Variants in SPAG16 observed in about 807,000 individuals in gnomAD.
SPAG16 encodes sperm associated antigen 16.
A neutral mutation model predicts 80.4 loss-of-function variants in SPAG16; 86 were observed. That is an observed-to-expected ratio of 1.07 (90% confidence interval 0.90 to 1.28). SPAG16 has a LOEUF of 1.28. Ranked by LOEUF, SPAG16 falls within the 50% of genes most tolerant of loss-of-function variation. The pLI is 0.00. For synonymous variants in SPAG16, 294 were observed against 265.9 expected (o/e 1.11, Z -1.03); for missense variants, 870 against 765.3 (o/e 1.14, Z -1.61).
intron 15 of SPAG16, among the ~76,000 whole-genome samples, chr2:214,404,432 T>A (rs375403351): frequency 6.6e-6 from 1 of 152,208 alleles, no homozygotes; most frequent in Admixed American, 6.5e-5. Flanking sequence ...TTTGTTGTTG[T>A]TGCTGCTGCT....
intron 10 of SPAG16, among the ~76,000 whole-genome samples, chr2:213,801,215 T>C (rs554020760): frequency 1.3e-5 from 2 of 152,274 alleles, no homozygotes; most frequent in South Asian, 4.1e-4. Flanking sequence ...GGAAGGAGCT[T>C]TGCGTGTGTG....
At chr2:213,523,760 G>C (rs533666732) in intron 10 of SPAG16, among the ~76,000 whole-genome samples, 2 of 152,206 alleles carry the variant, frequency 1.3e-5, no homozygotes, top group Non-Finnish European at 2.9e-5. Context: ...CTTTAGCAAA[G>C]AGACTGGCAG....
chr2:213,660,616 A>C (rs990089353), intron 10 of SPAG16, among the ~76,000 whole-genome samples: 1 of 152,142 alleles, frequency 6.6e-6, no homozygotes, highest in Non-Finnish European at 1.5e-5. Context: ...ATCTAAGTCC[A>C]GGGCATAAAA....
At position 213,972,718 on chromosome 2, in the gene SPAG16, A is replaced by G. The variant is rs542443794; in HGVS notation, c.1401-41233A>G. On this transcript the variant is annotated intron_variant, in intron 12 of 15. Transcript: ENST00000331683. The stretch of plus-strand genomic sequence containing the variant: ...GTTTACACTTAAAATTAACCATCAC[A>G]GAGTCTTTTATTTACTTTTAATTTG... Among the ~76,000 whole-genome samples the G allele has an allele frequency of 2.6e-5, 4 of 152,256 alleles. No homozygotes were observed. In the South Asian group the frequency reaches 8.3e-4, roughly 32 times the overall value.
At chr2:213,986,097 G>A (rs944008241) in intron 12 of SPAG16, among the ~76,000 whole-genome samples, 1 of 152,064 alleles carries the variant, frequency 6.6e-6, no homozygotes, top group Non-Finnish European at 1.5e-5. Flanking sequence ...GGGAGGCTTA[G>A]TATTCCTATG....
At chr2:214,192,065 T>G (rs2057684315) in intron 15 of SPAG16, among the ~76,000 whole-genome samples, 1 of 151,788 alleles carries the variant, frequency 6.6e-6, no homozygotes, top group African/African-American at 2.4e-5. Flanking sequence ...AGCTAAAGAG[T>G]TTACCACAAA....
At chr2:213,504,693 A>G (rs1180725109) in intron 10 of SPAG16, among the ~76,000 whole-genome samples, 1 of 152,234 alleles carries the variant, frequency 6.6e-6, no homozygotes, top group Non-Finnish European at 1.5e-5. Flanking sequence ...GCAAGCTGCT[A>G]GGCTATAAAA....
intron 10 of SPAG16, among the ~76,000 whole-genome samples, chr2:213,772,772 T>A (rs2069331093): frequency 6.6e-6 from 1 of 152,304 alleles, no homozygotes; most frequent in Middle Eastern, 3.4e-3. Context: ...TGCATTTTGG[T>A]TAGAATTGAG....
At chr2:214,398,441 A>C (rs6714784) in intron 15 of SPAG16, among the ~76,000 whole-genome samples, 124,537 of 152,146 alleles carry the variant, frequency 0.82, 51,554 homozygotes, top group Non-Finnish European at 0.89. Flanking sequence ...TATATAGCTA[A>C]ATCATGCGTG....
chr2:214,297,345 C>T (rs1268751298), intron 15 of SPAG16, among the ~76,000 whole-genome samples: 1 of 151,940 alleles, frequency 6.6e-6, no homozygotes, highest in African/African-American at 2.4e-5. Flanking sequence ...TTTTGTTGCA[C>T]TTGTTTTTGA....
At chr2:213,614,097 C>G (rs1251649566) in intron 10 of SPAG16, among the ~76,000 whole-genome samples, 1 of 152,068 alleles carries the variant, frequency 6.6e-6, no homozygotes, top group Non-Finnish European at 1.5e-5. Context: ...ATACTGTTTC[C>G]CAAACAACTT....
At chr2:213,794,968 C>T (rs2070932267) in intron 10 of SPAG16, among the ~76,000 whole-genome samples, 1 of 152,052 alleles carries the variant, frequency 6.6e-6, no homozygotes, top group Non-Finnish European at 1.5e-5. Flanking sequence ...TTATTCTCTA[C>T]TGGACCACTA....
rs869276304 is a variant in SPAG16, at chr2:213,869,280, T to TATATATATATATATAC, written c.1214+6652_1214+6653insATATATATATATATAC. ...AAAAAAAAAAATATATATATATATA[T>TATATATATATATATAC]GTATATATATATGTATATATATATA... On this transcript the variant is annotated intron_variant, in intron 11 of 15. Transcript: ENST00000331683. Among the ~76,000 whole-genome samples the TATATATATATATATAC allele has an allele frequency of 1.2e-3, 131 of 112,414 alleles. 1 individual carries two copies. In the East Asian group the frequency reaches 0.018, roughly 15 times the overall value. The allele number at this position is 112,414 out of a possible 152,430, so 73.7% of individuals were successfully genotyped here.
At chr2:213,443,022 C>A (rs1483453343) in intron 9 of SPAG16, among the ~76,000 whole-genome samples, 1 of 152,064 alleles carries the variant, frequency 6.6e-6, no homozygotes, top group African/African-American at 2.4e-5. Context: ...GACCATTATA[C>A]AAAAATATAC....
intron 15 of SPAG16, among the ~76,000 whole-genome samples, chr2:214,353,554 C>T (rs2126054518): frequency 6.6e-6 from 1 of 152,258 alleles, no homozygotes; most frequent in East Asian, 1.9e-4. Context: ...TAACAGATCA[C>T]ATACTGCCTT....
chr2:213,797,494 C>T lies in SPAG16; in HGVS notation c.1071-64991C>T, dbSNP rs2071118697. Reference sequence around the variant, plus strand: ...ACACAAATACCATTGTGTTACAATGCCTATAGTATACAAGACAATAACATA... The same window carrying T: ...ACACAAATACCATTGTGTTACAATGTCTATAGTATACAAGACAATAACATA... On this transcript the variant is annotated intron_variant, in intron 10 of 15. Coordinates refer to ENST00000331683, the MANE Select transcript of SPAG16 (RefSeq NM_024532.5). Among the ~76,000 whole-genome samples the T allele has an allele frequency of 3.9e-5, 6 of 152,084 alleles. No homozygotes were observed. In the South Asian group the frequency reaches 1.2e-3, roughly 32 times the overall value.
intron 1 of SPAG16, chr2:213,285,831 C>T: frequency 2.7e-6 from 3 of 1,119,632 alleles, no homozygotes; most frequent in South Asian, 1.3e-5. Context: ...ATGTAACAGG[C>T]AGTCTTTTCC....
At chr2:213,868,558 A>T (rs865963178) in intron 11 of SPAG16, among the ~76,000 whole-genome samples, 15 of 152,348 alleles carry the variant, frequency 9.8e-5, no homozygotes, top group Middle Eastern at 3.4e-3. Flanking sequence ...CGACTGCTTC[A>T]TAATAGTAAC....
At chr2:213,302,930 A>T (rs1226618925) in intron 3 of SPAG16, among the ~76,000 whole-genome samples, 1 of 152,052 alleles carries the variant, frequency 6.6e-6, no homozygotes, top group African/African-American at 2.4e-5. Flanking sequence ...ATGAGAATAG[A>T]TACACCCTCC....
Sources: allele counts gnomAD v4.1 joint callset (sites outside exome capture counted in the v4.1 genomes callset), GRCh38; gene constraint gnomAD v4.1.1; transcripts MANE v1.5; gene names NCBI Gene and HGNC (gene_info 2026-07-23, HGNC 2026-07-21).